TMEM132E: variants seen among roughly 807,000 people sequenced by gnomAD.
The protein encoded by TMEM132E is transmembrane protein 132E.
In TMEM132E, 49 loss-of-function variants were observed where a neutral mutation model predicts 78.5. That is an observed-to-expected ratio of 0.62 (90% CI 0.50 to 0.79). The LOEUF (loss-of-function observed/expected upper bound fraction) is 0.79, where lower values mean the gene tolerates loss of function less well. Among genes scored for constraint, TMEM132E ranks in the 30% least tolerant of loss-of-function variants. The probability of loss-of-function intolerance (pLI) is 0.00; values close to 1 mark genes in which losing one functional copy is unlikely to be tolerated. For synonymous variants in TMEM132E, 715 were observed against 670.6 expected (o/e 1.07, Z -1.02); for missense variants, 1,403 against 1,470.9 (o/e 0.95, Z 0.75).
At chr17:34,629,657 C>T (rs1907281721) in intron 4 of TMEM132E, among the ~76,000 whole-genome samples, 1 of 151,942 alleles carries the variant, frequency 6.6e-6, no homozygotes, top group Non-Finnish European at 1.5e-5. Context: ...TGTCTGGGGC[C>T]AGCCCAGGGC....
intron 1 of TMEM132E, among the ~76,000 whole-genome samples, chr17:34,589,113 G>T (rs575063356): frequency 1.3e-5 from 2 of 152,216 alleles, no homozygotes; most frequent in Non-Finnish European, 2.9e-5. Flanking sequence ...GTCAGGGGAG[G>T]GATGCGTAGC....
intron 1 of TMEM132E, among the ~76,000 whole-genome samples, chr17:34,613,214 C>CGCGCGCGCGT (rs1906665008): frequency 6.7e-6 from 1 of 149,248 alleles, no homozygotes; most frequent in African/African-American, 2.5e-5. Context: ...CACACACACG[C>CGCGCGCGCGT]GCGCGCGCGC....
chr17:34,607,363 C>A (rs879766510), intron 1 of TMEM132E, among the ~76,000 whole-genome samples: 6 of 152,172 alleles, frequency 3.9e-5, no homozygotes, highest in Non-Finnish European at 7.3e-5. Flanking sequence ...ATGGGGGAAC[C>A]AGGGTTGACT....
chr17:34,597,074 C>T (rs1426040499), intron 1 of TMEM132E, among the ~76,000 whole-genome samples: 1 of 152,060 alleles, frequency 6.6e-6, no homozygotes, highest in Admixed American at 6.5e-5. Flanking sequence ...CTGCCCAAGT[C>T]AGGGCTGCAG....
intron 1 of TMEM132E, among the ~76,000 whole-genome samples, chr17:34,584,702 G>C (rs914222542): frequency 2.0e-5 from 3 of 152,200 alleles, no homozygotes; most frequent in Non-Finnish European, 4.4e-5. Flanking sequence ...TGGGGTAGAG[G>C]GCAGAAGAGG....
chr17:34,628,529 C>T (rs1160439919), intron 2 of TMEM132E, 34 bp from the exon 3 acceptor site: 3 of 1,611,900 alleles, frequency 1.9e-6, no homozygotes, highest in South Asian at 1.1e-5. Flanking sequence ...TGTAGCCTGA[C>T]CCTCTCCCTC....
At chr17:34,625,444 C>T (rs1042135828) in intron 1 of TMEM132E, among the ~76,000 whole-genome samples, 1 of 152,130 alleles carries the variant, frequency 6.6e-6, no homozygotes, top group Non-Finnish European at 1.5e-5. Context: ...AGTCAGGGGA[C>T]CCCAGGTTCA....
intron 1 of TMEM132E, among the ~76,000 whole-genome samples, chr17:34,610,488 T>A (rs1269300166): frequency 6.6e-6 from 1 of 152,080 alleles, no homozygotes; most frequent in Non-Finnish European, 1.5e-5. Flanking sequence ...GAATGACAGA[T>A]GTGAGCAGAC....
chr17:34,605,224 C>T (rs1254820462), intron 1 of TMEM132E, among the ~76,000 whole-genome samples: 1 of 152,150 alleles, frequency 6.6e-6, no homozygotes, highest in East Asian at 1.9e-4. Context: ...GCTGTTGGGG[C>T]CCTCAGAGCA....
Position 34,626,213 on chromosome 17 carries a change from A to G in TMEM132E, c.154A>G (p.Thr52Ala). 9 of 1,578,858 alleles carry G rather than the reference A, an allele frequency of 5.7e-6. No individual in the cohort carries two copies. Among genetic ancestry groups the G allele is most frequent in the Non-Finnish European group, 7.7e-6 (9 of 1,162,906 alleles). ...GCCAGTCAGCTACCGCCTGTCGCAC[A>G]CGCGGCTGGCCTTCTTCCTGCGGGA... ...VLPVSYRLSH[T>A]RLAFFLREAR... is the part of the protein sequence containing the mutation. Residue 52 changes from threonine to alanine, a missense_variant, in exon 2 of 9, where the codon ACG becomes GCG. Physicochemically the swap from Thr to Ala is moderately conservative, Grantham distance 58. Coordinates refer to ENST00000631683, the MANE Select transcript of TMEM132E (RefSeq NM_001304438.2).
At position 34,637,400 on chromosome 17, in the gene TMEM132E, G is replaced by A; in HGVS notation, c.2393G>A (p.Arg798His). 6.2e-7 allele frequency: 1 copy of A among 1,613,814 alleles called. No homozygotes were observed. Among genetic ancestry groups the A allele is most frequent in the Non-Finnish European group, 8.5e-7 (1 of 1,180,040 alleles). The change falls in exon 9 of 9, where the codon CGC (arginine) becomes CAC (histidine). Residue 798 changes from arginine to histidine, a missense_variant. Transcript: ENST00000631683. ...GCTGAGAGCTGCCAGAAAACCAAAC[G>A]CAAGAGTGTGCTCGCCACGACCCCT... Reference protein sequence around the residue: ...TIAESCQKTKRKSVLATTPVG... With the variant: ...TIAESCQKTKHKSVLATTPVG...
chr17:34,593,574 CCTT>C (rs1225930338), intron 1 of TMEM132E, among the ~76,000 whole-genome samples: 4 of 152,244 alleles, frequency 2.6e-5, no homozygotes, highest in African/African-American at 9.6e-5. Context: ...CTCCTGCTGT[CCTT>C]CTTGGAAATC....
chr17:34,632,666 G>A, intron 5 of TMEM132E, 38 bp from the exon 6 acceptor site: 4 of 1,611,060 alleles, frequency 2.5e-6, no homozygotes, highest in Non-Finnish European at 3.4e-6. Flanking sequence ...AGGAAGACCT[G>A]TAGGGAAGAT....
intron 1 of TMEM132E, among the ~76,000 whole-genome samples, chr17:34,602,301 G>A (rs2142060631): frequency 6.6e-6 from 1 of 152,360 alleles, no homozygotes. Flanking sequence ...AAGAGATTGA[G>A]GCAGCAGCAT....
intron 1 of TMEM132E, 85 bp from the exon 2 acceptor site, chr17:34,626,042 G>A: frequency 5.6e-6 from 7 of 1,259,624 alleles, no homozygotes; most frequent in Non-Finnish European, 7.5e-6. Flanking sequence ...TCTGTGGGGT[G>A]GGAGAGACGA....
intron 1 of TMEM132E, among the ~76,000 whole-genome samples, chr17:34,608,001 C>T (rs1302492391): frequency 5.3e-5 from 8 of 152,136 alleles, no homozygotes; most frequent in Non-Finnish European, 1.0e-4. Flanking sequence ...CGATCATTGG[C>T]CATTGTTGAT....
intron 1 of TMEM132E, among the ~76,000 whole-genome samples, chr17:34,606,531 G>A (rs1378640081): frequency 6.6e-6 from 1 of 152,142 alleles, no homozygotes; most frequent in African/African-American, 2.4e-5. Context: ...ACTAGGAGAT[G>A]CACACATGCT....
Position 34,628,698 on chromosome 17 carries a change from C to T in TMEM132E, c.1134C>T (p.Pro378=), listed in dbSNP as rs940800481. ...ATGTGGCCTGGGCTCAGAGCACACCCCTGCCCCCCAGGTGAGCCCGAGGTG... is the reference window on the plus strand; with the variant it reads ...ATGTGGCCTGGGCTCAGAGCACACCTCTGCCCCCCAGGTGAGCCCGAGGTG... The part of the protein sequence containing the change: ...TVDVAWAQST[P]LPPREGQGPL... The change falls in exon 3 of 9, where the codon CCC becomes CCT. Residue 378 remains proline (P), a synonymous_variant. Coordinates refer to ENST00000631683, the MANE Select transcript of TMEM132E (RefSeq NM_001304438.2). 6.3e-7 allele frequency: 1 copy of T among 1,599,632 alleles called. No homozygotes were observed. Among genetic ancestry groups the T allele is most frequent in the Admixed American group, 1.7e-5 (1 of 57,576 alleles).
At chr17:34,581,231 A>T in intron 1 of TMEM132E, 88 bp downstream of exon 1, 1 of 1,156,218 alleles carries the variant, frequency 8.6e-7, no homozygotes, top group Non-Finnish European at 1.1e-6. Flanking sequence ...GAGCACCCAC[A>T]CCCCCTGGAC....
Sources: allele counts gnomAD v4.1 joint callset (sites outside exome capture counted in the v4.1 genomes callset), GRCh38; gene constraint gnomAD v4.1.1; transcripts MANE v1.5; gene names NCBI Gene and HGNC (gene_info 2026-07-23, HGNC 2026-07-21).